Variants in LARP4B observed in about 807,000 individuals in gnomAD.
The protein encoded by LARP4B is la-related protein 4B.
In LARP4B, 12 loss-of-function variants were observed where a neutral mutation model predicts 89.8. The observed-to-expected ratio is 0.13, with a 90% confidence interval of 0.09 to 0.22. The LOEUF (loss-of-function observed/expected upper bound fraction) is 0.22, where lower values mean the gene tolerates loss of function less well. Among genes scored for constraint, LARP4B ranks in the 10% least tolerant of loss-of-function variants. The pLI, the probability that LARP4B is intolerant of heterozygous loss-of-function variation, is 1.00. For synonymous variants in LARP4B, 367 were observed against 363.3 expected (o/e 1.01, Z -0.12); for missense variants, 757 against 947.7 (o/e 0.80, Z 2.64).
intron 1 of LARP4B, among the ~76,000 whole-genome samples, chr10:906,958 T>C (rs1270627492): frequency 6.6e-6 from 1 of 152,116 alleles, no homozygotes; most frequent in Non-Finnish European, 1.5e-5. Flanking sequence ...CAGACTGCCC[T>C]CCCTAAAGCG....
chr10:981,555 C>T, the LARP4B span, among the ~76,000 whole-genome samples: 1 of 152,000 alleles, frequency 6.6e-6, no homozygotes, highest in South Asian at 2.1e-4. Flanking sequence ...ATTTTAGGTA[C>T]TTTGTACTTT....
At chr10:964,451 A>G in the LARP4B span, among the ~76,000 whole-genome samples, 47 of 152,068 alleles carry the variant, frequency 3.1e-4, 1 homozygote, top group African/African-American at 1.1e-3. Flanking sequence ...GCTAGGGCAC[A>G]GTCCCCAGAA....
chr10:906,015 A>T (rs1349595963), intron 1 of LARP4B, among the ~76,000 whole-genome samples: 1 of 152,236 alleles, frequency 6.6e-6, no homozygotes, highest in African/African-American at 2.4e-5. Flanking sequence ...AGAAATAGTA[A>T]ATCAAATGGG....
chr10:878,518 G>A (rs922769635), intron 3 of LARP4B, among the ~76,000 whole-genome samples: 1 of 152,220 alleles, frequency 6.6e-6, no homozygotes, highest in African/African-American at 2.4e-5. Flanking sequence ...ATTGTGACAT[G>A]TCTTCGAATT....
At chr10:898,973 T>C (rs567138593) in intron 1 of LARP4B, among the ~76,000 whole-genome samples, 2 of 152,368 alleles carry the variant, frequency 1.3e-5, no homozygotes, top group African/African-American at 4.8e-5. Context: ...CATCGTAACA[T>C]GACCTCAGAG....
upstream of LARP4B, among the ~76,000 whole-genome samples, chr10:933,325 G>A (rs1463527830): frequency 6.6e-6 from 1 of 152,106 alleles, no homozygotes; most frequent in Non-Finnish European, 1.5e-5. Context: ...CTTGCTCTAT[G>A]CAGGTCTGCA....
At chr10:967,886 G>A in the LARP4B span, among the ~76,000 whole-genome samples, 1 of 152,084 alleles carries the variant, frequency 6.6e-6, no homozygotes, top group South Asian at 2.1e-4. Flanking sequence ...GTTTTTAGTA[G>A]AAACAGGGTT....
intron 5 of LARP4B, among the ~76,000 whole-genome samples, chr10:862,464 G>C (rs369800096): frequency 6.6e-5 from 10 of 152,236 alleles, no homozygotes; most frequent in Non-Finnish European, 1.5e-5. Flanking sequence ...CAAGTGGGGT[G>C]GGGGAGGGGA....
rs185535284 is a variant in LARP4B at position 871,837 on chromosome 10, G to A, written c.142-7567C>T. ...TGTTAACGTCCAAGTAGAAATCATC[G>A]TTGTCTCTTAGTGGTGTGATAGAGT... On this transcript the variant is annotated intron_variant, in intron 3 of 17. Transcript: ENST00000316157. 1.4e-4 allele frequency among the ~76,000 whole-genome samples: 22 copies of A among 152,148 alleles called. No individual in the cohort carries two copies. The East Asian group carries it at 2.5e-3, about 17-fold the overall frequency.
intron 5 of LARP4B, among the ~76,000 whole-genome samples, chr10:855,154 T>C (rs1834241078): frequency 6.6e-6 from 1 of 152,202 alleles, no homozygotes; most frequent in South Asian, 2.1e-4. Context: ...GGTTTTTCTA[T>C]CCAGATCAAA....
At chr10:826,348 C>A (rs989158185) in intron 11 of LARP4B, among the ~76,000 whole-genome samples, 2 of 152,176 alleles carry the variant, frequency 1.3e-5, no homozygotes, top group Admixed American at 1.3e-4. Flanking sequence ...ACCTTTACCC[C>A]GACACAAGTC....
the LARP4B span, among the ~76,000 whole-genome samples, chr10:939,127 GCAGT>G: frequency 2.0e-5 from 3 of 152,260 alleles, no homozygotes; most frequent in Non-Finnish European, 1.5e-5. Flanking sequence ...GGCTCAAAAA[GCAGT>G]CAGAGAGGAC....
At chr10:959,800 T>C in the LARP4B span, among the ~76,000 whole-genome samples, 54 of 68,408 alleles carry the variant, frequency 7.9e-4, 1 homozygote, top group African/African-American at 2.8e-3. Context: ...TCCCACCTCC[T>C]CGTCATTCCC....
chr10:887,789 C>T (rs540249496), intron 1 of LARP4B, among the ~76,000 whole-genome samples: 4 of 151,922 alleles, frequency 2.6e-5, no homozygotes, highest in South Asian at 2.1e-4. Context: ...TCTGGGAGGC[C>T]GAGGAGGGCA....
chr10:909,534 T>C, intron 1 of LARP4B, among the ~76,000 whole-genome samples: 1 of 152,180 alleles, frequency 6.6e-6, no homozygotes. Context: ...CCTGTAATCC[T>C]GGCACTTTGG....
the LARP4B span, among the ~76,000 whole-genome samples, chr10:962,462 G>A: frequency 6.6e-6 from 1 of 152,146 alleles, no homozygotes; most frequent in African/African-American, 2.4e-5. Context: ...AACTCAGTCC[G>A]TAAGAGTGCA....
chr10:982,112 CTTTCTTTT>C, the LARP4B span, among the ~76,000 whole-genome samples: 6 of 125,978 alleles, frequency 4.8e-5, no homozygotes, highest in African/African-American at 1.2e-4. Flanking sequence ...TTCTTTCTTT[CTTTCTTTT>C]TTTTTTTTTT....
At chr10:949,472 C>T in the LARP4B span, among the ~76,000 whole-genome samples, 3 of 151,934 alleles carry the variant, frequency 2.0e-5, no homozygotes, top group African/African-American at 7.3e-5. Flanking sequence ...ACCTGTTTTC[C>T]AGGCAGCTGT....
chr10:820,682 C>G lies in LARP4B; in HGVS notation c.1530+118G>C, dbSNP rs1048322922. ...TTATTACTTAGTGGATTTCACGTTA[C>G]AAGTCTTTTGAAATGCTCATTCTTG... is the stretch of plus-strand genomic sequence containing the variant. On this transcript the variant is annotated intron_variant, in intron 14 of 17. Transcript: ENST00000316157. 1.3e-5 allele frequency: 12 copies of G among 921,378 alleles called. No homozygotes were observed. The African/African-American group carries it at 2.0e-4, about 15-fold the overall frequency. The allele number at this position is 921,378 out of a possible 1,614,324, so 57.1% of individuals were successfully genotyped here.
Sources: gnomAD v4.1 joint callset for allele counts (sites outside exome capture counted in the v4.1 genomes callset) on GRCh38, gnomAD v4.1.1 for gene constraint, MANE v1.5 for transcripts, NCBI Gene and HGNC (gene_info 2026-07-23, HGNC 2026-07-21) for gene names.